Variants in PTPRD observed in about 807,000 individuals in gnomAD.
The protein encoded by PTPRD is receptor-type tyrosine-protein phosphatase delta.
A neutral mutation model predicts 214.5 loss-of-function variants in PTPRD; 34 were observed. That is an observed-to-expected ratio of 0.16 (90% CI 0.12 to 0.21). The LOEUF (loss-of-function observed/expected upper bound fraction) is 0.21, where lower values mean the gene tolerates loss of function less well. Among genes scored for constraint, PTPRD ranks in the 10% least tolerant of loss-of-function variants. The pLI is 1.00. For synonymous variants in PTPRD, 1,128 were observed against 845.7 expected (o/e 1.33, Z -5.79); for missense variants, 2,545 against 2,398.7 (o/e 1.06, Z -1.27).
intron 35 of PTPRD, among the ~76,000 whole-genome samples, chr9:8,411,319 T>A (rs1284754465): frequency 6.6e-6 from 1 of 151,942 alleles, no homozygotes; most frequent in Non-Finnish European, 1.5e-5. Context: ...TTATTTTTAT[T>A]TTTTTTGTGG....
chr9:8,616,877 G>A (rs1277314927), intron 14 of PTPRD, among the ~76,000 whole-genome samples: 2 of 152,104 alleles, frequency 1.3e-5, no homozygotes, highest in Admixed American at 6.6e-5. Flanking sequence ...TGCCCTCCAT[G>A]AGAGGCTAAG....
intron 20 of PTPRD, 148 bp from the exon 21 acceptor site, chr9:8,518,577 T>C (rs1564013005): frequency 1.6e-6 from 1 of 627,818 alleles, no homozygotes. Flanking sequence ...GTTTTCTGAA[T>C]GGCCAAGAAG....
chr9:8,446,059 A>G (rs2095712345), intron 34 of PTPRD, among the ~76,000 whole-genome samples: 1 of 152,190 alleles, frequency 6.6e-6, no homozygotes, highest in Non-Finnish European at 1.5e-5. Context: ...TGCTAAAGCA[A>G]TGTTCCTCTC....
At chr9:9,949,807 A>C (rs1221742420) in intron 4 of PTPRD, among the ~76,000 whole-genome samples, 1 of 152,196 alleles carries the variant, frequency 6.6e-6, no homozygotes, top group Non-Finnish European at 1.5e-5. Context: ...CTTTAGACTG[A>C]AGCCAACACT....
intron 14 of PTPRD, among the ~76,000 whole-genome samples, chr9:8,542,170 G>A (rs2078621283): frequency 6.6e-6 from 1 of 152,216 alleles, no homozygotes; most frequent in Non-Finnish European, 1.5e-5. Context: ...TGAAAGGAAA[G>A]AAGGGTTTTG....
chr9:9,742,020 G>A (rs894386537), intron 6 of PTPRD, among the ~76,000 whole-genome samples: 5 of 152,154 alleles, frequency 3.3e-5, no homozygotes, highest in Non-Finnish European at 5.9e-5. Flanking sequence ...AGATCTTTGA[G>A]GAATAGCCAC....
At chr9:8,401,011 T>C (rs2092307902) in intron 36 of PTPRD, among the ~76,000 whole-genome samples, 3 of 152,184 alleles carry the variant, frequency 2.0e-5, no homozygotes, top group Admixed American at 2.0e-4. Context: ...GGTTTGTCCA[T>C]TTTCTTTTCC....
intron 2 of PTPRD, among the ~76,000 whole-genome samples, chr9:10,438,484 C>G (rs2098737200): frequency 6.6e-6 from 1 of 151,682 alleles, no homozygotes; most frequent in Non-Finnish European, 1.5e-5. Flanking sequence ...AGATAGACTT[C>G]AACTTCAAGT....
intron 8 of PTPRD, among the ~76,000 whole-genome samples, chr9:9,482,654 A>C (rs1381498638): frequency 6.6e-6 from 1 of 152,190 alleles, no homozygotes; most frequent in Non-Finnish European, 1.5e-5. Flanking sequence ...ATCAGCTATT[A>C]TCCGTAGATG....
At chr9:10,221,250 T>C (rs992124310) in intron 3 of PTPRD, among the ~76,000 whole-genome samples, 3 of 152,024 alleles carry the variant, frequency 2.0e-5, no homozygotes, top group Non-Finnish European at 2.9e-5. Flanking sequence ...ATTTGGGTAC[T>C]GAACGGGAGC....
chr9:9,154,427 G>C (rs959670710), intron 10 of PTPRD, among the ~76,000 whole-genome samples: 1 of 151,186 alleles, frequency 6.6e-6, no homozygotes, highest in Non-Finnish European at 1.5e-5. Flanking sequence ...GGCTTGCAGA[G>C]GGCTGTCTTC....
chr9:9,222,555 C>A (rs2099956814), intron 9 of PTPRD, among the ~76,000 whole-genome samples: 1 of 152,048 alleles, frequency 6.6e-6, no homozygotes, highest in East Asian at 1.9e-4. Flanking sequence ...CTTAATAAAT[C>A]AAAAACCCTA....
chr9:8,706,187 A>G (rs2098203711), intron 12 of PTPRD, among the ~76,000 whole-genome samples: 1 of 152,202 alleles, frequency 6.6e-6, no homozygotes. Context: ...AAAAAAAAAG[A>G]AAACTGCCTC....
In PTPRD at chr9:8,992,642, G is replaced by C. The variant is rs181804976; in HGVS notation, c.-104+26055C>G. On this transcript the variant is annotated intron_variant, in intron 11 of 45. Transcript: ENST00000381196. ...ATAAAATAATATACGGCTACTTTGA[G>C]TCTTGAACAAACTGTGCTCAAAAAT... Among the ~76,000 whole-genome samples, 17 of 152,276 alleles carry C rather than the reference G, an allele frequency of 1.1e-4. No homozygotes were observed. In the East Asian group the frequency reaches 3.3e-3, roughly 29 times the overall value.
chr9:9,673,930 T>C (rs1001470458), intron 7 of PTPRD, among the ~76,000 whole-genome samples: 1 of 151,774 alleles, frequency 6.6e-6, no homozygotes, highest in Non-Finnish European at 1.5e-5. Flanking sequence ...AACACTATAC[T>C]TTCCAAAACT....
chr9:9,079,129 C>A (rs1372155900), intron 10 of PTPRD, among the ~76,000 whole-genome samples: 1 of 152,000 alleles, frequency 6.6e-6, no homozygotes, highest in Non-Finnish European at 1.5e-5. Flanking sequence ...TCCTACAGTG[C>A]CACAGAACAC....
chr9:9,981,572 G>C (rs1435944484), intron 4 of PTPRD, among the ~76,000 whole-genome samples: 2 of 151,748 alleles, frequency 1.3e-5, no homozygotes, highest in African/African-American at 2.4e-5. Context: ...GTGTTAGCCA[G>C]GATGGTCTCG....
intron 9 of PTPRD, among the ~76,000 whole-genome samples, chr9:9,285,887 T>A (rs1392989857): frequency 2.6e-5 from 4 of 151,826 alleles, no homozygotes; most frequent in Non-Finnish European, 2.9e-5. Flanking sequence ...TATCTATATC[T>A]ATATCTATAT....
intron 3 of PTPRD, among the ~76,000 whole-genome samples, chr9:10,302,870 A>G (rs2095909453): frequency 1.3e-5 from 2 of 152,236 alleles, no homozygotes; most frequent in African/African-American, 2.4e-5. Flanking sequence ...AAAATTAACA[A>G]GGATATTCAA....
Sources: gnomAD v4.1 joint callset for allele counts (sites outside exome capture counted in the v4.1 genomes callset) on GRCh38, gnomAD v4.1.1 for gene constraint, MANE v1.5 for transcripts, NCBI Gene and HGNC (gene_info 2026-07-23, HGNC 2026-07-21) for gene names.